KANK1: variants seen among roughly 807,000 people sequenced by gnomAD.
KANK1 encodes KN motif and ankyrin repeat domain-containing protein 1.
Under a neutral mutation model 106.2 loss-of-function variants are expected in KANK1, and 109 were observed. The observed-to-expected ratio is 1.03, with a 90% CI of 0.88 to 1.20. The LOEUF (loss-of-function observed/expected upper bound fraction) is 1.20. Among genes scored for constraint, KANK1 ranks in the 50% most tolerant of loss-of-function variants. The probability of loss-of-function intolerance (pLI) is 0.00; values close to 1 mark genes in which losing one functional copy is unlikely to be tolerated. For synonymous variants in KANK1, 873 were observed against 652.2 expected, an observed-to-expected ratio of 1.34 and a Z score of -5.16; for missense variants, 2,399 against 1,710.7, an observed-to-expected ratio of 1.40 and a Z score of -7.10.
At chr9:533,137 G>A (rs2060142173) in intron 1 of KANK1, among the ~76,000 whole-genome samples, 1 of 152,186 alleles carries the variant, frequency 6.6e-6, no homozygotes, top group African/African-American at 2.4e-5. Flanking sequence ...AGCTGAGTGT[G>A]TGAGGTTTTG....
At chr9:718,592 G>A (rs1828397857) in intron 3 of KANK1, among the ~76,000 whole-genome samples, 1 of 151,996 alleles carries the variant, frequency 6.6e-6, no homozygotes. Flanking sequence ...TTACAGGTGT[G>A]AGCCACCATG....
intron 1 of KANK1, among the ~76,000 whole-genome samples, chr9:661,531 G>A (rs1378930262): frequency 6.6e-6 from 1 of 152,074 alleles, no homozygotes; most frequent in African/African-American, 2.4e-5. Context: ...TCATTGATGG[G>A]CATTTGGGTT....
At chr9:572,531 G>A (rs1039284971) in intron 1 of KANK1, among the ~76,000 whole-genome samples, 2 of 151,786 alleles carry the variant, frequency 1.3e-5, no homozygotes, top group Non-Finnish European at 2.9e-5. Flanking sequence ...CAGCATGAGT[G>A]ACAGAGCGAG....
At chr9:509,784 A>G (rs1411277463) in intron 1 of KANK1, among the ~76,000 whole-genome samples, 1 of 152,054 alleles carries the variant, frequency 6.6e-6, no homozygotes, top group Non-Finnish European at 1.5e-5. Flanking sequence ...CCTAATATGG[A>G]ATTGATTAAA....
intron 1 of KANK1, among the ~76,000 whole-genome samples, chr9:592,360 T>C (rs568344901): frequency 1.3e-5 from 2 of 151,962 alleles, no homozygotes; most frequent in African/African-American, 4.9e-5. Flanking sequence ...GGAACCATGT[T>C]AATTACCCAC....
At chr9:671,837 G>A (rs374362963) in intron 1 of KANK1, among the ~76,000 whole-genome samples, 1 of 151,012 alleles carries the variant, frequency 6.6e-6, no homozygotes, top group Non-Finnish European at 1.5e-5. Context: ...AATCCCAGCT[G>A]CTTGGGAGGC....
chr9:540,947 C>G (rs1320514029), intron 1 of KANK1, among the ~76,000 whole-genome samples: 2 of 152,066 alleles, frequency 1.3e-5, no homozygotes, highest in African/African-American at 4.8e-5. Context: ...CTCCTGGTTT[C>G]ATTAATGTTC....
chr9:638,920 C>A (rs1464331188), intron 1 of KANK1, among the ~76,000 whole-genome samples: 2 of 152,148 alleles, frequency 1.3e-5, no homozygotes, highest in African/African-American at 4.8e-5. Context: ...ATTCCTTTTT[C>A]CTATGGCTGA....
At chr9:661,368 T>C (rs930480498) in intron 1 of KANK1, among the ~76,000 whole-genome samples, 6 of 151,760 alleles carry the variant, frequency 4.0e-5, no homozygotes, top group African/African-American at 1.4e-4. Context: ...AGTGAGAACA[T>C]GCAGTGTCTG....
At chr9:536,284 G>A (rs945661119) in intron 1 of KANK1, among the ~76,000 whole-genome samples, 2 of 152,200 alleles carry the variant, frequency 1.3e-5, no homozygotes, top group African/African-American at 2.4e-5. Context: ...AGAGTTTGCA[G>A]TGAGCTGAGA....
At chr9:530,376 T>C (rs752138685) in intron 1 of KANK1, among the ~76,000 whole-genome samples, 4 of 152,216 alleles carry the variant, frequency 2.6e-5, no homozygotes, top group African/African-American at 4.8e-5. Context: ...ATTTAAATTA[T>C]TTATCCATAT....
intron 1 of KANK1, among the ~76,000 whole-genome samples, chr9:669,504 CA>C (rs1845421661): frequency 7.4e-6 from 1 of 135,310 alleles, no homozygotes; most frequent in Non-Finnish European, 1.7e-5. Flanking sequence ...TTGAGGATAG[CA>C]GGGTTTTTTG....
intron 1 of KANK1, among the ~76,000 whole-genome samples, chr9:612,499 C>T (rs1830806993): frequency 6.6e-6 from 1 of 152,128 alleles, no homozygotes; most frequent in East Asian, 1.9e-4. Context: ...TCAGTGTCAT[C>T]ATCTTTATGC....
chr9:612,945 A>G (rs897169216), intron 1 of KANK1, among the ~76,000 whole-genome samples: 1 of 152,212 alleles, frequency 6.6e-6, no homozygotes, highest in Non-Finnish European at 1.5e-5. Flanking sequence ...GGATCCCAAC[A>G]GGAGCATCAT....
intron 7 of KANK1, among the ~76,000 whole-genome samples, chr9:735,468 A>G (rs1833533696): frequency 6.6e-6 from 1 of 152,228 alleles, no homozygotes; most frequent in Non-Finnish European, 1.5e-5. Context: ...ATGGCCAAGA[A>G]TGACATATTC....
chr9:476,910 G>A (rs1026413440), intron 3 of KANK1: 1 of 152,170 alleles, frequency 6.6e-6, no homozygotes, highest in African/African-American at 2.4e-5. Flanking sequence ...ACACAAATGA[G>A]TTTTCTAAAC....
At chr9:574,124 G>T (rs1264515435) in intron 1 of KANK1, among the ~76,000 whole-genome samples, 1 of 152,224 alleles carries the variant, frequency 6.6e-6, no homozygotes, top group Non-Finnish European at 1.5e-5. Context: ...ACATCATGTG[G>T]CCTTTGTTCT....
intron 1 of KANK1, among the ~76,000 whole-genome samples, chr9:668,342 A>G (rs1231311565): frequency 3.3e-5 from 3 of 91,508 alleles, no homozygotes; most frequent in Admixed American, 1.3e-4. Flanking sequence ...CTATTATTGT[A>G]TTATAATCTC....
chr9:634,081 A>G (rs1435958425), intron 1 of KANK1, among the ~76,000 whole-genome samples: 3 of 152,260 alleles, frequency 2.0e-5, no homozygotes, highest in Non-Finnish European at 4.4e-5. Context: ...GCCCAATTGC[A>G]CACACAAAGC....
Sources: allele counts gnomAD v4.1 joint callset (sites outside exome capture counted in the v4.1 genomes callset), GRCh38; gene constraint gnomAD v4.1.1; transcripts MANE v1.5; gene names NCBI Gene and HGNC (gene_info 2026-07-23, HGNC 2026-07-21).